Variants in TDP1 observed in about 807,000 individuals in gnomAD.
The protein encoded by TDP1 is tyrosyl-DNA phosphodiesterase 1.
A neutral mutation model predicts 81.5 loss-of-function variants in TDP1; 64 were observed. The ratio of observed to expected loss-of-function variants is 0.79; its 90% CI spans 0.64 to 0.97. The LOEUF is 0.97. Among genes scored for constraint, TDP1 ranks in the 50% least tolerant of loss-of-function variants. TDP1 has a pLI of 0.00. For synonymous variants in TDP1, 256 were observed against 264.3 expected (o/e 0.97, Z 0.30); for missense variants, 723 against 743.8 (o/e 0.97, Z 0.33).
intron 9 of TDP1, chr14:89,984,919 A>G (rs1895389250): frequency 1.0e-6 from 1 of 984,966 alleles, no homozygotes; most frequent in Non-Finnish European, 1.2e-6. Flanking sequence ...TACTCTCACA[A>G]TTATTGAGTT....
chr14:89,974,367 G>A (rs1252421475), intron 6 of TDP1, among the ~76,000 whole-genome samples: 5 of 152,196 alleles, frequency 3.3e-5, no homozygotes, highest in African/African-American at 4.8e-5. Flanking sequence ...CTAAATATCA[G>A]TTTATAGAGT....
intron 14 of TDP1, among the ~76,000 whole-genome samples, chr14:90,014,454 G>C (rs1885081697): frequency 6.6e-6 from 1 of 152,190 alleles, no homozygotes; most frequent in Non-Finnish European, 1.5e-5. Context: ...AGCAGCATTG[G>C]CTGGAGTCAT....
At chr14:90,003,827 A>G (rs908861044) in intron 14 of TDP1, among the ~76,000 whole-genome samples, 1 of 152,152 alleles carries the variant, frequency 6.6e-6, no homozygotes, top group African/African-American at 2.4e-5. Context: ...GGAAACATAA[A>G]AGACATTCTC....
intron 11 of TDP1, chr14:89,989,438 T>G: frequency 1.0e-6 from 1 of 982,844 alleles, no homozygotes; most frequent in East Asian, 1.1e-4. Flanking sequence ...TTTAATTATT[T>G]AGAGAACTGT....
chr14:89,957,351 T>C (rs1454117907), intron 2 of TDP1, among the ~76,000 whole-genome samples: 1 of 152,234 alleles, frequency 6.6e-6, no homozygotes. Context: ...AGCTGCCCAG[T>C]AAGTTATTGA....
chr14:89,975,233 G>A (rs1038266645), intron 6 of TDP1: 1 of 175,436 alleles, frequency 5.7e-6, no homozygotes. Context: ...TGGCCACCAC[G>A]CCTGGCAAAT....
intron 15 of TDP1, among the ~76,000 whole-genome samples, chr14:90,022,489 G>A (rs1381435639): frequency 6.6e-6 from 1 of 152,210 alleles, no homozygotes; most frequent in Non-Finnish European, 1.5e-5. Flanking sequence ...GCCTAGATCT[G>A]CCTTCCATGA....
intron 3 of TDP1, 66 bp from the exon 4 acceptor site, chr14:89,966,081 A>G: frequency 9.1e-7 from 1 of 1,094,022 alleles, no homozygotes; most frequent in Non-Finnish European, 1.4e-6. Flanking sequence ...TGAATGAGTT[A>G]GTAGTGATTA....
intron 2 of TDP1, among the ~76,000 whole-genome samples, chr14:89,960,672 C>G (rs974733813): frequency 6.6e-6 from 1 of 152,168 alleles, no homozygotes; most frequent in Non-Finnish European, 1.5e-5. Flanking sequence ...TGTGTTCATG[C>G]TGGGTAGGGT....
At chr14:90,031,064 C>T (rs1887224271) in intron 15 of TDP1, among the ~76,000 whole-genome samples, 1 of 152,010 alleles carries the variant, frequency 6.6e-6, no homozygotes, top group Non-Finnish European at 1.5e-5. Context: ...TGAACCACCA[C>T]ACTCAGCCTT....
chr14:90,041,362 A>G (rs1888335736), intron 16 of TDP1, among the ~76,000 whole-genome samples: 1 of 152,166 alleles, frequency 6.6e-6, no homozygotes, highest in Admixed American at 6.6e-5. Flanking sequence ...TTAGTTAACA[A>G]AGAAGTGTTT....
intron 14 of TDP1, among the ~76,000 whole-genome samples, chr14:89,998,446 GTA>G (rs1896909798): frequency 9.3e-6 from 1 of 107,984 alleles, no homozygotes; most frequent in African/African-American, 3.9e-5. Flanking sequence ...GTATGTATAT[GTA>G]TATGTATATA....
chr14:89,999,972 C>A (rs374936232), intron 14 of TDP1, among the ~76,000 whole-genome samples: 2 of 152,282 alleles, frequency 1.3e-5, no homozygotes, highest in East Asian at 3.9e-4. Flanking sequence ...GGAGTCTGGG[C>A]GTGGATTAGC....
intron 2 of TDP1, among the ~76,000 whole-genome samples, chr14:89,959,455 C>T (rs868514698): frequency 1.3e-5 from 2 of 152,140 alleles, no homozygotes; most frequent in African/African-American, 2.4e-5. Context: ...TCCAACTGGG[C>T]GGGAGCCTTG....
At chr14:90,004,694 C>T (rs531655040) in intron 14 of TDP1, among the ~76,000 whole-genome samples, 1 of 152,282 alleles carries the variant, frequency 6.6e-6, no homozygotes, top group East Asian at 1.9e-4. Flanking sequence ...ATGAACTTGC[C>T]TTCTAATTGA....
intron 15 of TDP1, among the ~76,000 whole-genome samples, chr14:90,029,194 A>ACTT (rs1886979818): frequency 1.7e-5 from 2 of 116,214 alleles, no homozygotes; most frequent in Admixed American, 9.0e-5. Context: ...CCCTGCCATT[A>ACTT]TTTTTTTTTT....
intron 13 of TDP1, chr14:89,992,852 T>C (rs1191650195): frequency 1.3e-6 from 1 of 787,560 alleles, no homozygotes; most frequent in Non-Finnish European, 1.5e-6. Context: ...TCTGCAATAT[T>C]GGAAACTTAG....
At chr14:89,973,196 G>A (rs976096034) in intron 6 of TDP1, among the ~76,000 whole-genome samples, 7 of 152,126 alleles carry the variant, frequency 4.6e-5, no homozygotes, top group Admixed American at 2.0e-4. Flanking sequence ...CTTCGCAGTT[G>A]CCAAAATTCC....
chr14:89,960,490 C>T (rs952156950), intron 2 of TDP1, among the ~76,000 whole-genome samples: 1 of 152,138 alleles, frequency 6.6e-6, no homozygotes, highest in African/African-American at 2.4e-5. Flanking sequence ...TATACCTATG[C>T]TATGAGTTTT....
Sources: allele counts gnomAD v4.1 joint callset (sites outside exome capture counted in the v4.1 genomes callset), GRCh38; gene constraint gnomAD v4.1.1; transcripts MANE v1.5; gene names NCBI Gene and HGNC (gene_info 2026-07-23, HGNC 2026-07-21).